Variants in NELL1 observed in about 807,000 individuals in gnomAD.
NELL1 encodes neural EGFL like 1, also known as protein kinase C-binding protein NELL1.
A neutral mutation model predicts 107.4 loss-of-function variants in NELL1; 76 were observed. The observed-to-expected ratio is 0.71, with a 90% CI of 0.59 to 0.86. The LOEUF is 0.86. Among genes scored for constraint, NELL1 ranks in the 40% least tolerant of loss-of-function variants. The pLI is 0.00. For missense variants in NELL1, 1,024 were observed against 1,005.5 expected (o/e 1.02, Z -0.25); for synonymous variants, 353 against 341.2 (o/e 1.03, Z -0.38).
chr11:21,245,859 G>GGTTTTAAGCT (rs1373586459), intron 14 of NELL1, among the ~76,000 whole-genome samples: 3 of 152,112 alleles, frequency 2.0e-5, no homozygotes, highest in Non-Finnish European at 4.4e-5. Flanking sequence ...TGAAGGGGAA[G>GGTTTTAAGCT]GTTTTAAGCT....
intron 2 of NELL1, among the ~76,000 whole-genome samples, chr11:20,690,890 C>T (rs1177198828): frequency 2.0e-4 from 30 of 151,684 alleles, no homozygotes; most frequent in Non-Finnish European, 3.1e-4. Context: ...GCCATTTTCA[C>T]GATATTGATT....
chr11:21,242,710 A>T (rs1476597361), intron 14 of NELL1, among the ~76,000 whole-genome samples: 2 of 152,088 alleles, frequency 1.3e-5, no homozygotes, highest in African/African-American at 4.8e-5. Context: ...GAGTAAACTC[A>T]TCCCTTCCAA....
intron 14 of NELL1, among the ~76,000 whole-genome samples, chr11:21,343,853 C>T (rs1850628012): frequency 6.6e-6 from 1 of 152,078 alleles, no homozygotes; most frequent in Non-Finnish European, 1.5e-5. Context: ...TTCTGTAGCA[C>T]CTAGCTCAGT....
chr11:21,084,173 C>A (rs11025907), intron 12 of NELL1, among the ~76,000 whole-genome samples: 33,277 of 151,990 alleles, frequency 0.22, 3,835 homozygotes, highest in Middle Eastern at 0.33. Context: ...CCACGATTGC[C>A]GTTGCAGATA....
intron 2 of NELL1, among the ~76,000 whole-genome samples, chr11:20,764,901 C>T (rs1856498326): frequency 6.6e-6 from 1 of 152,084 alleles, no homozygotes. Flanking sequence ...ATGACTCATG[C>T]CTGTAATCCC....
chr11:21,241,435 A>T (rs1332775938), intron 14 of NELL1, among the ~76,000 whole-genome samples: 1 of 152,092 alleles, frequency 6.6e-6, no homozygotes, highest in Non-Finnish European at 1.5e-5. Flanking sequence ...GCTTAAATAG[A>T]TCTGTTACCT....
chr11:20,745,216 G>A (rs1028514109), intron 2 of NELL1, among the ~76,000 whole-genome samples: 2 of 152,164 alleles, frequency 1.3e-5, no homozygotes, highest in Admixed American at 6.5e-5. Context: ...TAGGTGATCA[G>A]TAAATATTTG....
At chr11:20,863,178 G>C (rs575791435) in intron 4 of NELL1, among the ~76,000 whole-genome samples, 1 of 139,382 alleles carries the variant, frequency 7.2e-6, no homozygotes, top group South Asian at 2.1e-4. Context: ...AGGGGTGGCC[G>C]GGCAGAGGCG....
At chr11:21,201,313 C>T (rs7483682) in intron 13 of NELL1, among the ~76,000 whole-genome samples, 9,467 of 151,986 alleles carry the variant, frequency 0.062, 298 homozygotes, top group East Asian at 0.14. Flanking sequence ...CCTTGAGTAG[C>T]GGTTTGTAGT....
chr11:21,140,107 C>T (rs891094689), intron 13 of NELL1, among the ~76,000 whole-genome samples: 4 of 152,088 alleles, frequency 2.6e-5, no homozygotes, highest in African/African-American at 4.8e-5. Context: ...AACTAAACAC[C>T]GTGACTGGCA....
intron 14 of NELL1, among the ~76,000 whole-genome samples, chr11:21,232,593 A>G (rs574060065): frequency 1.3e-5 from 2 of 152,322 alleles, no homozygotes; most frequent in East Asian, 1.9e-4. Context: ...TTGTAACTGA[A>G]ACATTTACAG....
intron 14 of NELL1, among the ~76,000 whole-genome samples, chr11:21,278,107 C>G (rs1418184753): frequency 6.6e-6 from 1 of 151,782 alleles, no homozygotes; most frequent in Non-Finnish European, 1.5e-5. Flanking sequence ...TGATAAAAAC[C>G]CTCAGTAAAC....
chr11:20,677,983 T>G lies in NELL1; in HGVS notation c.107T>G (p.Leu36Arg). 2 of 1,614,144 alleles carry G rather than the reference T, an allele frequency of 1.2e-6. No individual in the cohort carries two copies. Among genetic ancestry groups the G allele is most frequent in the Non-Finnish European group, 1.7e-6 (2 of 1,180,000 alleles). ...CTTCAGATGGATATCGTCACCGAGC[T>G]TGACCTTGTGAACACCACCCTTGGA... ...PDLQMDIVTE[L>R]DLVNTTLGVA... is the part of the protein sequence containing the mutation. Residue 36 changes from leucine to arginine, a missense_variant, in exon 2 of 20, where the codon CTT (leucine) becomes CGT (arginine). Physicochemically the swap from Leu to Arg is moderately radical, Grantham distance 102. Coordinates refer to ENST00000357134, the MANE Select transcript of NELL1 (RefSeq NM_006157.5).
chr11:20,794,616 A>G (rs978446038), intron 3 of NELL1, among the ~76,000 whole-genome samples: 1 of 152,168 alleles, frequency 6.6e-6, no homozygotes, highest in Non-Finnish European at 1.5e-5. Context: ...TAGTATTTGT[A>G]AAATACCTAG....
chr11:20,951,669 T>A (rs1851070831), intron 11 of NELL1, among the ~76,000 whole-genome samples: 1 of 152,094 alleles, frequency 6.6e-6, no homozygotes, highest in East Asian at 1.9e-4. Context: ...GGAGAAGAAC[T>A]ATAGAATTGG....
intron 12 of NELL1, among the ~76,000 whole-genome samples, chr11:21,003,780 A>T (rs28630565): frequency 0.35 from 53,547 of 151,854 alleles, 12,644 homozygotes; most frequent in African/African-American, 0.67. Context: ...ACCTTTTTTT[A>T]ATTTTTTTAT....
Position 20,994,466 on chromosome 11 carries a change from A to T in NELL1, c.1300+33906A>T, listed in dbSNP as rs1215693307. 5.3e-5 allele frequency among the ~76,000 whole-genome samples: 8 copies of T among 152,264 alleles called. 1 individual carries two copies. In the South Asian group the frequency reaches 1.7e-3, roughly 31 times the overall value. Reference sequence around the variant, plus strand: ...GTTTACTATGATTCAAAGAGCAGAAAGTCAATCAGCTAAAAGCTATACTTT... The same window carrying T: ...GTTTACTATGATTCAAAGAGCAGAATGTCAATCAGCTAAAAGCTATACTTT... On this transcript the variant is annotated intron_variant, in intron 12 of 19. Coordinates refer to ENST00000357134, the MANE Select transcript of NELL1 (RefSeq NM_006157.5).
At chr11:20,828,119 G>T (rs572147933) in intron 3 of NELL1, among the ~76,000 whole-genome samples, 28 of 151,288 alleles carry the variant, frequency 1.9e-4, no homozygotes, top group African/African-American at 5.1e-4. Flanking sequence ...GTATTTTCTT[G>T]GATGACTTTA....
chr11:21,304,102 T>G (rs1412505270), intron 14 of NELL1, among the ~76,000 whole-genome samples: 3 of 152,030 alleles, frequency 2.0e-5, no homozygotes, highest in Admixed American at 2.0e-4. Context: ...ATTCAAACCA[T>G]TTTGAATGGT....
Sources: gnomAD v4.1 joint callset for allele counts (sites outside exome capture counted in the v4.1 genomes callset) on GRCh38, gnomAD v4.1.1 for gene constraint, MANE v1.5 for transcripts, NCBI Gene and HGNC (gene_info 2026-07-23, HGNC 2026-07-21) for gene names.